SPHKAP: variants seen among roughly 807,000 people sequenced by gnomAD.
The protein encoded by SPHKAP is A-kinase anchor protein SPHKAP.
SPHKAP carries 67 observed loss-of-function variants against 137.5 expected under a neutral mutation model. The observed-to-expected ratio is 0.49, with a 90% CI of 0.40 to 0.60. SPHKAP has a LOEUF of 0.60. Among genes scored for constraint, SPHKAP ranks in the 20% least tolerant of loss-of-function variants. SPHKAP has a pLI of 0.00. For missense variants in SPHKAP, 2,097 were observed against 2,069.3 expected (o/e 1.01, Z -0.26); for synonymous variants, 813 against 785.3 (o/e 1.04, Z -0.59).
intron 7 of SPHKAP, among the ~76,000 whole-genome samples, chr2:228,004,059 G>T (rs1694023985): frequency 6.6e-6 from 1 of 152,164 alleles, no homozygotes; most frequent in Admixed American, 6.5e-5. Context: ...TTGGTATCAG[G>T]ATGATGCTGG....
Position 228,052,950 on chromosome 2 carries a change from T to C in SPHKAP, c.247-25407A>G, listed in dbSNP as rs534289586. The stretch of plus-strand genomic sequence containing the variant: ...AGAAGACTTCTTACTATAGTCTGTA[T>C]AGTAAGAGCTAATCTGTTCAGGCTG... On this transcript the variant is annotated intron_variant, in intron 3 of 11. Coordinates refer to ENST00000392056, the MANE Select transcript of SPHKAP (RefSeq NM_001142644.2). Among the ~76,000 whole-genome samples the C allele has an allele frequency of 3.9e-5, 6 of 152,318 alleles. No homozygotes were observed. The East Asian group carries it at 9.7e-4, about 25-fold the overall frequency.
Position 228,016,629 on chromosome 2 carries a change from G to T in SPHKAP, c.4225C>A (p.Gln1409Lys). ...TTGTGGTTTATTGGTACAGGGTCCT[G>T]GCACGAGGAAGTTTCTTTTTTAGAA... is the stretch of plus-strand genomic sequence containing the variant. ...LDSKKETSSC[Q>K]DPVPINHKRR... The change falls in exon 7 of 12, where the codon CAG becomes AAG. Residue 1409 changes from glutamine to lysine, a missense_variant. Gln to Lys is a moderately conservative substitution (Grantham distance 53, BLOSUM62 1). Transcript: ENST00000392056. The T allele has an allele frequency of 6.2e-7, 1 of 1,613,702 alleles. No individual in the cohort carries two copies. The highest frequency in any genetic ancestry group is 8.5e-7 in the Non-Finnish European group (1 of 1,179,938).
intron 7 of SPHKAP, among the ~76,000 whole-genome samples, chr2:228,006,426 T>G (rs1173847416): frequency 2.0e-5 from 3 of 152,214 alleles, no homozygotes; most frequent in African/African-American, 7.2e-5. Context: ...TTGGTTTTTC[T>G]AGTTAGCCTT....
chr2:228,016,174 T>A (rs1332141704), intron 7 of SPHKAP, among the ~76,000 whole-genome samples: 4 of 152,048 alleles, frequency 2.6e-5, no homozygotes, highest in East Asian at 1.9e-4. Flanking sequence ...ATTTTTTTTT[T>A]ATTACACTTT....
At chr2:228,081,218 T>C (rs1574831968) in intron 3 of SPHKAP, among the ~76,000 whole-genome samples, 2 of 152,194 alleles carry the variant, frequency 1.3e-5, no homozygotes, top group South Asian at 4.1e-4. Flanking sequence ...CAATTGACTA[T>C]TCTCCCACCT....
chr2:227,993,885 G>T, intron 8 of SPHKAP: 1 of 207,412 alleles, frequency 4.8e-6, no homozygotes, highest in Non-Finnish European at 8.4e-6. Flanking sequence ...TTCTGAAGTG[G>T]TATCACAACT....
intron 1 of SPHKAP, 152 bp from the exon 2 acceptor site, chr2:228,132,237 C>A: frequency 1.4e-6 from 1 of 715,520 alleles, no homozygotes; most frequent in Non-Finnish European, 2.3e-6. Context: ...ATGGACATTT[C>A]TTTGTTGCAT....
At chr2:228,058,710 C>T (rs1385712441) in intron 3 of SPHKAP, among the ~76,000 whole-genome samples, 1 of 152,218 alleles carries the variant, frequency 6.6e-6, no homozygotes, top group African/African-American at 2.4e-5. Context: ...TTCTATGTAG[C>T]ACTGTGGCAA....
chr2:228,017,578 C>G lies in SPHKAP; in HGVS notation c.3276G>C (p.Glu1092Asp). The part of the protein sequence containing the change: ...SCESIPEEDS[E>D]ARAYVNSLGL... Reference sequence around the variant, plus strand: ...CCAGGCTGTTGACATAGGCCCTGGCCTCGGAGTCTTCCTCAGGAATGCTTT... The same window carrying G: ...CCAGGCTGTTGACATAGGCCCTGGCGTCGGAGTCTTCCTCAGGAATGCTTT... Residue 1092 changes from glutamate (E) to aspartate (D), a missense_variant, in exon 7 of 12, where the codon GAG becomes GAC. Coordinates refer to ENST00000392056, the MANE Select transcript of SPHKAP (RefSeq NM_001142644.2). The G allele has an allele frequency of 6.2e-7, 1 of 1,613,856 alleles. No individual in the cohort carries two copies. Among genetic ancestry groups the G allele is most frequent in the Non-Finnish European group, 8.5e-7 (1 of 1,180,010 alleles).
At chr2:228,000,955 C>T (rs563860088) in intron 7 of SPHKAP, among the ~76,000 whole-genome samples, 2 of 152,152 alleles carry the variant, frequency 1.3e-5, no homozygotes, top group South Asian at 4.1e-4. Context: ...TTTTGTAAAA[C>T]ACTCCCCAAA....
chr2:228,124,780 C>T (rs1194329717), intron 2 of SPHKAP, among the ~76,000 whole-genome samples: 3 of 152,068 alleles, frequency 2.0e-5, no homozygotes, highest in African/African-American at 4.8e-5. Flanking sequence ...AAAAGCCTTC[C>T]GATTTGTATG....
intron 1 of SPHKAP, among the ~76,000 whole-genome samples, chr2:228,171,467 T>A (rs1237384938): frequency 3.3e-5 from 5 of 152,186 alleles, no homozygotes. Flanking sequence ...TTTATAAGTT[T>A]GCTTATATTG....
At chr2:228,000,991 C>G (rs1693835172) in intron 7 of SPHKAP, among the ~76,000 whole-genome samples, 1 of 152,090 alleles carries the variant, frequency 6.6e-6, no homozygotes, top group Admixed American at 6.6e-5. Context: ...CTGCTCCATT[C>G]TGTATTCCAA....
chr2:228,050,518 G>T (rs1347237665), intron 3 of SPHKAP, among the ~76,000 whole-genome samples: 1 of 152,116 alleles, frequency 6.6e-6, no homozygotes, highest in Non-Finnish European at 1.5e-5. Context: ...TATTTTTACT[G>T]ATACATATTA....
chr2:228,102,110 C>T (rs544755097), intron 3 of SPHKAP, among the ~76,000 whole-genome samples: 16 of 152,180 alleles, frequency 1.1e-4, no homozygotes, highest in East Asian at 3.9e-4. Flanking sequence ...TTTTCTCATG[C>T]GTATGCTAAC....
At chr2:228,074,548 T>A (rs1261692683) in intron 3 of SPHKAP, among the ~76,000 whole-genome samples, 4 of 151,988 alleles carry the variant, frequency 2.6e-5, no homozygotes, top group Non-Finnish European at 4.4e-5. Context: ...ACCAGAACAG[T>A]ATGGAGGAAA....
At chr2:228,116,138 T>C (rs1698703447) in intron 2 of SPHKAP, among the ~76,000 whole-genome samples, 1 of 152,178 alleles carries the variant, frequency 6.6e-6, no homozygotes, top group Non-Finnish European at 1.5e-5. Context: ...TATTTTGTGA[T>C]AGCAGCTCTG....
chr2:228,001,500 T>C (rs1693890840), intron 7 of SPHKAP, among the ~76,000 whole-genome samples: 1 of 144,372 alleles, frequency 6.9e-6, no homozygotes, highest in Non-Finnish European at 1.5e-5. Context: ...TATATAAGTA[T>C]ATATACGTAT....
At chr2:228,132,843 C>CAAA (rs1313392929) in intron 1 of SPHKAP, among the ~76,000 whole-genome samples, 12 of 126,296 alleles carry the variant, frequency 9.5e-5, no homozygotes, top group South Asian at 2.5e-4. Context: ...ACTAAAAATA[C>CAAA]AAAAAAAAAA....
Sources: allele counts gnomAD v4.1 joint callset (sites outside exome capture counted in the v4.1 genomes callset), GRCh38; gene constraint gnomAD v4.1.1; transcripts MANE v1.5; gene names NCBI Gene and HGNC (gene_info 2026-07-23, HGNC 2026-07-21).